PTPRK: variants seen among roughly 807,000 people sequenced by gnomAD.
PTPRK encodes the protein protein tyrosine phosphatase receptor type K.
A neutral mutation model predicts 178.0 loss-of-function variants in PTPRK; 75 were observed. The observed-to-expected ratio is 0.42, with a 90% CI of 0.35 to 0.51. The LOEUF is 0.51. Among genes scored for constraint, PTPRK ranks in the 20% least tolerant of loss-of-function variants. The probability of loss-of-function intolerance (pLI) is 0.02; values close to 1 mark genes in which losing one functional copy is unlikely to be tolerated. For synonymous variants in PTPRK, 637 were observed against 620.6 expected, an observed-to-expected ratio of 1.03 and a Z score of -0.39; for missense variants, 1,441 against 1,797.8, an observed-to-expected ratio of 0.80 and a Z score of 3.59.
At chr6:128,256,082 C>A (rs1266385717) in intron 3 of PTPRK, among the ~76,000 whole-genome samples, 1 of 152,166 alleles carries the variant, frequency 6.6e-6, no homozygotes, top group African/African-American at 2.4e-5. Flanking sequence ...GGACTAATAT[C>A]TGACAGAAAG....
chr6:128,140,837 G>T (rs1377472476), intron 7 of PTPRK, among the ~76,000 whole-genome samples: 1 of 151,884 alleles, frequency 6.6e-6, no homozygotes, highest in Admixed American at 6.6e-5. Flanking sequence ...TTTATTGGTA[G>T]GAATGATCTA....
chr6:127,982,973 T>C lies in PTPRK; in HGVS notation c.3395A>G (p.Tyr1132Cys). ...RINMVQTEEQ[Y>C]IFIHDAILEA... ...TAAAATGGCATCATGAATAAAAATG[T>C]ACTGTTCCTACCAAAAGAATGAAAA... Residue 1132 changes from tyrosine (Y) to cysteine (C), a missense_variant, in exon 24 of 30, where the codon TAC becomes TGC. Around this residue, in one of 4 missense-constraint regions of PTPRK, gnomAD observed 335 missense variants for 512.4 expected, o/e 0.65. Transcript: ENST00000368226. 6.2e-7 allele frequency: 1 copy of C among 1,611,784 alleles called. No homozygotes were observed. Among genetic ancestry groups the C allele is most frequent in the Non-Finnish European group, 8.5e-7 (1 of 1,178,894 alleles).
intron 2 of PTPRK, among the ~76,000 whole-genome samples, chr6:128,333,091 A>G (rs1830480228): frequency 6.6e-6 from 1 of 152,208 alleles, no homozygotes; most frequent in Admixed American, 6.5e-5. Context: ...AAGGCAATAA[A>G]GGCTTTGTCC....
chr6:128,234,105 T>A (rs1435088087), intron 5 of PTPRK, among the ~76,000 whole-genome samples: 1 of 152,216 alleles, frequency 6.6e-6, no homozygotes, highest in Non-Finnish European at 1.5e-5. Flanking sequence ...TTACAACCCT[T>A]TCATATCCTC....
chr6:128,272,364 T>C (rs758055239), intron 3 of PTPRK, among the ~76,000 whole-genome samples: 1 of 152,112 alleles, frequency 6.6e-6, no homozygotes, highest in Non-Finnish European at 1.5e-5. Context: ...AAATGGGATC[T>C]AATTAAACTA....
At chr6:128,178,048 T>C (rs1380374720) in intron 7 of PTPRK, among the ~76,000 whole-genome samples, 1 of 151,846 alleles carries the variant, frequency 6.6e-6, no homozygotes, top group Non-Finnish European at 1.5e-5. Context: ...TAGACATTGT[T>C]TTATGCATTA....
chr6:128,223,371 A>G (rs1020396661), intron 5 of PTPRK, among the ~76,000 whole-genome samples: 1 of 151,988 alleles, frequency 6.6e-6, no homozygotes, highest in Admixed American at 6.6e-5. Context: ...AATTTCAAGG[A>G]CACCAAGAGA....
rs781177636 is a variant in PTPRK, at chr6:128,321,944, T to G, written c.495+95A>C. 2.5e-5 allele frequency: 39 copies of G among 1,539,186 alleles called. No individual in the cohort carries two copies. The South Asian group carries it at 4.3e-4, about 17-fold the overall frequency. ...GTGGGGGAGGCAAGAGGGCAATCTC[T>G]CATTACCATGAGATGCATATTTACA... On this transcript the variant is annotated intron_variant, in intron 3 of 29. Transcript: ENST00000368226.
intron 6 of PTPRK, among the ~76,000 whole-genome samples, chr6:128,194,344 C>T (rs1804500612): frequency 6.6e-6 from 1 of 152,042 alleles, no homozygotes; most frequent in Non-Finnish European, 1.5e-5. Flanking sequence ...CCTCAGCCTC[C>T]CAAAGTGCTG....
intron 7 of PTPRK, among the ~76,000 whole-genome samples, chr6:128,141,459 G>A (rs1407488815): frequency 6.6e-6 from 1 of 151,672 alleles, no homozygotes; most frequent in African/African-American, 2.4e-5. Context: ...AAATATGTGA[G>A]GAGATTTTAG....
intron 23 of PTPRK, 57 bp from the exon 24 acceptor site, chr6:127,983,037 A>G: frequency 1.3e-6 from 2 of 1,523,000 alleles, no homozygotes; most frequent in Non-Finnish European, 1.8e-6. Context: ...CTTTTCTGTC[A>G]TCAAAGTTAG....
At chr6:128,291,843 T>C (rs1823434312) in intron 3 of PTPRK, among the ~76,000 whole-genome samples, 1 of 152,270 alleles carries the variant, frequency 6.6e-6, no homozygotes, top group African/African-American at 2.4e-5. Context: ...GTTCACATAT[T>C]TATGCTACAG....
rs929053425 is a variant in PTPRK, at chr6:128,510,078, T to C, written c.100+10181A>G. ...AGTTATTATCATAAGTTATTTATGA[T>C]AATAGACAAAAGTGTACGAAAACAA... On this transcript the variant is annotated intron_variant, in intron 1 of 29. Coordinates refer to ENST00000368226, the MANE Select transcript of PTPRK (RefSeq NM_002844.4). Among the ~76,000 whole-genome samples, 9 of 152,302 alleles carry C rather than the reference T, an allele frequency of 5.9e-5. No individual in the cohort carries two copies. The East Asian group carries it at 1.5e-3, about 26-fold the overall frequency.
intron 11 of PTPRK, among the ~76,000 whole-genome samples, chr6:128,076,452 A>G (rs943200601): frequency 6.6e-6 from 1 of 152,040 alleles, no homozygotes; most frequent in Admixed American, 6.6e-5. Context: ...TGGGTAAGTC[A>G]TTACAAAAAC....
intron 3 of PTPRK, among the ~76,000 whole-genome samples, chr6:128,244,544 G>A (rs960415284): frequency 6.6e-6 from 1 of 152,188 alleles, no homozygotes; most frequent in African/African-American, 2.4e-5. Flanking sequence ...GGAAAGGCCA[G>A]GCATATTACA....
At chr6:128,257,629 G>A (rs568463309) in intron 3 of PTPRK, among the ~76,000 whole-genome samples, 7 of 152,174 alleles carry the variant, frequency 4.6e-5, no homozygotes, top group Admixed American at 2.6e-4. Flanking sequence ...AAACAAATTT[G>A]TGTATGTAAT....
intron 3 of PTPRK, among the ~76,000 whole-genome samples, chr6:128,255,985 GT>G (rs1817230542): frequency 6.6e-6 from 1 of 152,150 alleles, no homozygotes; most frequent in Admixed American, 6.5e-5. Context: ...ATATAAGCCT[GT>G]ATAAAATACC....
At chr6:128,483,890 GAT>G (rs1277417314) in intron 1 of PTPRK, among the ~76,000 whole-genome samples, 2 of 152,064 alleles carry the variant, frequency 1.3e-5, no homozygotes, top group African/African-American at 4.8e-5. Flanking sequence ...GTGTATAGAT[GAT>G]ATCTTTTTAT....
At chr6:128,320,086 C>G (rs1828582157) in intron 3 of PTPRK, among the ~76,000 whole-genome samples, 1 of 152,116 alleles carries the variant, frequency 6.6e-6, no homozygotes, top group Admixed American at 6.6e-5. Flanking sequence ...TTTTCTCTGA[C>G]AAAACATCTC....
Sources: gnomAD v4.1 joint callset for allele counts (sites outside exome capture counted in the v4.1 genomes callset) on GRCh38, gnomAD v4.1.1 for gene constraint, gnomAD v4.1.1 regional missense constraint, MANE v1.5 for transcripts, NCBI Gene and HGNC (gene_info 2026-07-23, HGNC 2026-07-21) for gene names.